Variants in SPIRE1 observed in about 807,000 individuals in gnomAD.
SPIRE1 encodes the protein protein spire homolog 1.
Under a neutral mutation model 94.1 loss-of-function variants are expected in SPIRE1, and 40 were observed. The ratio of observed to expected loss-of-function variants is 0.43; its 90% CI spans 0.33 to 0.55. SPIRE1 has a LOEUF of 0.55. Among genes scored for constraint, SPIRE1 ranks in the 20% least tolerant of loss-of-function variants. The probability of loss-of-function intolerance (pLI) is 0.06; values close to 1 mark genes in which losing one functional copy is unlikely to be tolerated. For synonymous variants in SPIRE1, 376 were observed against 371.7 expected (o/e 1.01, Z -0.13); for missense variants, 838 against 975.2 (o/e 0.86, Z 1.87).
At chr18:12,505,889 C>A (rs1413617013) in intron 6 of SPIRE1, among the ~76,000 whole-genome samples, 6 of 151,910 alleles carry the variant, frequency 3.9e-5, no homozygotes, top group Non-Finnish European at 7.4e-5. Flanking sequence ...AGTAATAAAA[C>A]AAAGCATTCT....
At chr18:12,507,871 G>A (rs2033889690) in intron 5 of SPIRE1, among the ~76,000 whole-genome samples, 1 of 152,118 alleles carries the variant, frequency 6.6e-6, no homozygotes, top group South Asian at 2.1e-4. Context: ...ACATGGCTGA[G>A]CGCAGTGGCT....
At chr18:12,558,817 T>G (rs28801690) in intron 2 of SPIRE1, among the ~76,000 whole-genome samples, 14,201 of 151,820 alleles carry the variant, frequency 0.094, 769 homozygotes, top group Middle Eastern at 0.16. Flanking sequence ...CACATAAAAG[T>G]TCTCCAAGTC....
chr18:12,656,132 C>T (rs769006512), intron 1 of SPIRE1, among the ~76,000 whole-genome samples: 3 of 152,194 alleles, frequency 2.0e-5, no homozygotes, highest in Non-Finnish European at 4.4e-5. Flanking sequence ...CTCCTGACCT[C>T]AGGTGATCCA....
At chr18:12,593,173 A>C (rs2036580128) in intron 2 of SPIRE1, among the ~76,000 whole-genome samples, 4 of 152,248 alleles carry the variant, frequency 2.6e-5, no homozygotes, top group Admixed American at 6.5e-5. Flanking sequence ...ATTATTGCTT[A>C]AGAGAGGCTT....
chr18:12,521,175 T>C lies in SPIRE1; in HGVS notation c.730-8644A>G, dbSNP rs189942807. 1.2e-4 allele frequency among the ~76,000 whole-genome samples: 18 copies of C among 152,336 alleles called. 1 individual carries two copies. The East Asian group carries it at 3.3e-3, about 28-fold the overall frequency. On this transcript the variant is annotated intron_variant, in intron 4 of 16. Transcript: ENST00000409402. ...AGAAGATACTTTATATACATGAATA[T>C]AGTTTTTCATTTTAGGTAAAATATT...
chr18:12,557,428 G>A (rs1399351894), intron 2 of SPIRE1, among the ~76,000 whole-genome samples: 1 of 152,212 alleles, frequency 6.6e-6, no homozygotes, highest in East Asian at 1.9e-4. Context: ...GTTGCTGCCA[G>A]CCACTCCAAA....
At chr18:12,496,910 A>C (rs2033479469) in intron 6 of SPIRE1, among the ~76,000 whole-genome samples, 1 of 151,934 alleles carries the variant, frequency 6.6e-6, no homozygotes, top group Non-Finnish European at 1.5e-5. Flanking sequence ...AAATACAAAA[A>C]TACAAAAATT....
At chr18:12,585,947 CATGT>C (rs1001517931) in intron 2 of SPIRE1, among the ~76,000 whole-genome samples, 1 of 151,912 alleles carries the variant, frequency 6.6e-6, no homozygotes, top group Non-Finnish European at 1.5e-5. Context: ...TATATGTATG[CATGT>C]ATGTATGTAT....
chr18:12,586,112 T>C (rs1343491449), intron 2 of SPIRE1, among the ~76,000 whole-genome samples: 1 of 152,128 alleles, frequency 6.6e-6, no homozygotes, highest in Non-Finnish European at 1.5e-5. Context: ...CATCACGCCC[T>C]GCTAATTTTT....
At chr18:12,502,196 T>C (rs1207597126) in intron 6 of SPIRE1, among the ~76,000 whole-genome samples, 1 of 152,156 alleles carries the variant, frequency 6.6e-6, no homozygotes, top group Non-Finnish European at 1.5e-5. Context: ...TTGACTACTA[T>C]TTAGCACAAT....
At position 12,454,557 on chromosome 18, in the gene SPIRE1, C is replaced by CA. The variant is rs2031415836; in HGVS notation, c.1639-75dup. 4.3e-6 allele frequency: 6 copies of CA among 1,393,606 alleles called. No homozygotes were observed. The Admixed American group carries it at 1.0e-4, about 24-fold the overall frequency. 86.3% of individuals were successfully genotyped at this position (1,393,606 alleles called of 1,614,324 possible). On this transcript the variant is annotated intron_variant, in intron 12 of 16. Coordinates refer to ENST00000409402, the MANE Select transcript of SPIRE1 (RefSeq NM_001128626.2). ...GGAAGTGCAAAATTTCCCTTCAGAT[C>CA]AGACCCCTGATTAGTAGCTTCAGAG...
At chr18:12,617,356 A>G (rs1052053125) in intron 2 of SPIRE1, among the ~76,000 whole-genome samples, 2 of 151,872 alleles carry the variant, frequency 1.3e-5, no homozygotes, top group African/African-American at 4.8e-5. Flanking sequence ...CTGGGATTAC[A>G]CGCACCAACC....
chr18:12,567,614 T>TC (rs2035849925), intron 2 of SPIRE1, among the ~76,000 whole-genome samples: 1 of 152,168 alleles, frequency 6.6e-6, no homozygotes, highest in African/African-American at 2.4e-5. Context: ...TACTCCTTTT[T>TC]CCCCAATATG....
intron 1 of SPIRE1, among the ~76,000 whole-genome samples, chr18:12,655,225 C>CA (rs776751877): frequency 0.079 from 6,054 of 76,350 alleles, 196 homozygotes; most frequent in African/African-American, 0.15. Flanking sequence ...AAGACCCTGT[C>CA]AAAAAAAAAA....
intron 4 of SPIRE1, among the ~76,000 whole-genome samples, chr18:12,525,276 C>CTA (rs1299423979): frequency 1.4e-5 from 1 of 71,500 alleles, no homozygotes; most frequent in Non-Finnish European, 2.7e-5. Context: ...GACTCCGTCT[C>CTA]AAAAAAAAAA....
intron 1 of SPIRE1, among the ~76,000 whole-genome samples, chr18:12,651,815 G>A (rs1283590192): frequency 6.6e-6 from 1 of 152,118 alleles, no homozygotes; most frequent in Non-Finnish European, 1.5e-5. Context: ...AAGCTTGACT[G>A]ATCGTATCCT....
In SPIRE1 at chr18:12,449,795, C is replaced by T; in HGVS notation, c.2114G>A (p.Cys705Tyr). 1.9e-6 allele frequency: 3 copies of T among 1,614,140 alleles called. No homozygotes were observed. The highest frequency in any genetic ancestry group is 2.2e-5 in the South Asian group (2 of 91,080). ...DWSTMEVCVD[C>Y]KKFISEIISS... ...GATGATTTCCGAAATGAACTTCTTGCAGTCCACACACACCTCCATGGTGCT... is the reference window on the plus strand; with the variant it reads ...GATGATTTCCGAAATGAACTTCTTGTAGTCCACACACACCTCCATGGTGCT... Residue 705 changes from cysteine to tyrosine, a missense_variant, in exon 17 of 17, where the codon TGC (cysteine) becomes TAC (tyrosine). By Grantham distance (194) the Cys-to-Tyr change is radical (BLOSUM62 -2). Coordinates refer to ENST00000409402, the MANE Select transcript of SPIRE1 (RefSeq NM_001128626.2).
intron 2 of SPIRE1, among the ~76,000 whole-genome samples, chr18:12,584,892 G>A (rs555301055): frequency 1.4e-3 from 213 of 152,212 alleles, no homozygotes; most frequent in African/African-American, 4.9e-3. Flanking sequence ...CGATTCTCCT[G>A]CCTCAGCCTC....
intron 2 of SPIRE1, among the ~76,000 whole-genome samples, chr18:12,592,079 G>T (rs1296404010): frequency 2.0e-5 from 3 of 151,784 alleles, no homozygotes; most frequent in Non-Finnish European, 4.4e-5. Context: ...CAGTATGTTG[G>T]TAGTCAATTT....
Sources: allele counts gnomAD v4.1 joint callset (sites outside exome capture counted in the v4.1 genomes callset), GRCh38; gene constraint gnomAD v4.1.1; transcripts MANE v1.5; gene names NCBI Gene and HGNC (gene_info 2026-07-23, HGNC 2026-07-21).